SPAG16: variants seen among roughly 807,000 people sequenced by gnomAD.
SPAG16 encodes the protein sperm associated antigen 16.
SPAG16 carries 86 observed loss-of-function variants against 80.4 expected under a neutral mutation model. That is an observed-to-expected ratio of 1.07 (90% confidence interval 0.90 to 1.28). The LOEUF is 1.28. Ranked by LOEUF, SPAG16 falls within the 50% of genes most tolerant of loss-of-function variation. SPAG16 has a pLI of 0.00. For missense variants in SPAG16, 870 were observed against 765.3 expected, an observed-to-expected ratio of 1.14 and a Z score of -1.61; for synonymous variants, 294 against 265.9, an observed-to-expected ratio of 1.11 and a Z score of -1.03.
At chr2:213,641,396 C>G (rs1008231945) in intron 10 of SPAG16, among the ~76,000 whole-genome samples, 1 of 152,250 alleles carries the variant, frequency 6.6e-6, no homozygotes, top group African/African-American at 2.4e-5. Context: ...TTGCCCTTCC[C>G]TGTCTGCCAC....
At chr2:213,539,759 A>G (rs1018097575) in intron 10 of SPAG16, among the ~76,000 whole-genome samples, 3 of 152,204 alleles carry the variant, frequency 2.0e-5, no homozygotes, top group African/African-American at 7.2e-5. Context: ...AAATAATAAT[A>G]CAAGTACATA....
intron 10 of SPAG16, among the ~76,000 whole-genome samples, chr2:213,791,076 T>G (rs1165501262): frequency 1.3e-5 from 2 of 152,070 alleles, no homozygotes; most frequent in Non-Finnish European, 2.9e-5. Flanking sequence ...TGTGGTTAAT[T>G]TAGCAATGAG....
chr2:213,848,974 A>G (rs1329617762), intron 10 of SPAG16, among the ~76,000 whole-genome samples: 2 of 152,198 alleles, frequency 1.3e-5, no homozygotes, highest in East Asian at 1.9e-4. Context: ...TAATTTCAAT[A>G]TGTGCCTCAA....
At chr2:213,973,420 C>G (rs1163515345) in intron 12 of SPAG16, among the ~76,000 whole-genome samples, 1 of 151,980 alleles carries the variant, frequency 6.6e-6, no homozygotes, top group Admixed American at 6.6e-5. Context: ...GAAACAAGAA[C>G]ATTATGTCAG....
chr2:213,592,671 A>G (rs909810677), intron 10 of SPAG16, among the ~76,000 whole-genome samples: 3 of 152,176 alleles, frequency 2.0e-5, no homozygotes, highest in African/African-American at 7.2e-5. Context: ...TCATTTGAAG[A>G]TAAGAGCTGT....
At chr2:213,386,100 A>G (rs2067415336) in intron 9 of SPAG16, among the ~76,000 whole-genome samples, 1 of 152,188 alleles carries the variant, frequency 6.6e-6, no homozygotes, top group South Asian at 2.1e-4. Context: ...TTCTAATAGT[A>G]TCTACATTTT....
At chr2:213,503,846 C>A (rs1352829617) in intron 10 of SPAG16, among the ~76,000 whole-genome samples, 1 of 152,178 alleles carries the variant, frequency 6.6e-6, no homozygotes, top group Non-Finnish European at 1.5e-5. Context: ...ACTTGAAAGC[C>A]AAACACAGAA....
intron 5 of SPAG16, among the ~76,000 whole-genome samples, chr2:213,320,261 T>G (rs2063560557): frequency 6.6e-6 from 1 of 152,016 alleles, no homozygotes; most frequent in South Asian, 2.1e-4. Flanking sequence ...ATTGTACATG[T>G]GATATTTTGA....
At chr2:214,151,386 A>G (rs2055965588) in intron 15 of SPAG16, among the ~76,000 whole-genome samples, 1 of 152,086 alleles carries the variant, frequency 6.6e-6, no homozygotes, top group Non-Finnish European at 1.5e-5. Context: ...AGCCAAACAA[A>G]ATTGAAATAA....
intron 15 of SPAG16, among the ~76,000 whole-genome samples, chr2:214,378,697 G>T (rs1350183183): frequency 1.3e-5 from 2 of 152,230 alleles, no homozygotes; most frequent in African/African-American, 4.8e-5. Flanking sequence ...GAAAAGGAGA[G>T]AGGGGGTATA....
chr2:213,952,871 C>T (rs1006696035), intron 12 of SPAG16, among the ~76,000 whole-genome samples: 2 of 152,090 alleles, frequency 1.3e-5, no homozygotes, highest in Admixed American at 6.6e-5. Context: ...GCTGTAGCTT[C>T]ATTCTCATTT....
intron 10 of SPAG16, among the ~76,000 whole-genome samples, chr2:213,600,487 A>G (rs899482470): frequency 6.6e-6 from 1 of 152,188 alleles, no homozygotes; most frequent in East Asian, 1.9e-4. Flanking sequence ...GAGCTCTTCT[A>G]TGTTCCTAGT....
intron 10 of SPAG16, among the ~76,000 whole-genome samples, chr2:213,588,215 T>C (rs575222473): frequency 1.7e-4 from 26 of 152,294 alleles, no homozygotes; most frequent in Admixed American, 7.8e-4. Context: ...CAAAGACACA[T>C]GCATAATTTG....
chr2:213,688,167 T>A (rs1168813001), intron 10 of SPAG16, among the ~76,000 whole-genome samples: 1 of 152,174 alleles, frequency 6.6e-6, no homozygotes, highest in African/African-American at 2.4e-5. Flanking sequence ...ATTGGTTGAG[T>A]TTGTCTAAAG....
chr2:213,767,382 T>C (rs979482913), intron 10 of SPAG16, among the ~76,000 whole-genome samples: 9 of 151,988 alleles, frequency 5.9e-5, no homozygotes, highest in African/African-American at 2.2e-4. Context: ...AGAAAGTAAA[T>C]TAAGGCTGGG....
intron 9 of SPAG16, among the ~76,000 whole-genome samples, chr2:213,428,987 G>A (rs1326974611): frequency 1.3e-5 from 2 of 151,910 alleles, no homozygotes; most frequent in African/African-American, 4.8e-5. Flanking sequence ...AGCTACTCAG[G>A]AGGCTAAGGC....
At chr2:213,872,468 T>C (rs780620561) in intron 11 of SPAG16, among the ~76,000 whole-genome samples, 4 of 152,182 alleles carry the variant, frequency 2.6e-5, no homozygotes, top group Non-Finnish European at 4.4e-5. Flanking sequence ...AGCTCATTTA[T>C]TAATTTAAAA....
chr2:213,658,539 C>G (rs2063304244), intron 10 of SPAG16, among the ~76,000 whole-genome samples: 1 of 152,154 alleles, frequency 6.6e-6, no homozygotes. Context: ...AAGCACTTTA[C>G]ATGCTGTCAC....
intron 10 of SPAG16, among the ~76,000 whole-genome samples, chr2:213,511,360 A>G (rs1452349954): frequency 6.6e-6 from 1 of 152,146 alleles, no homozygotes; most frequent in Admixed American, 6.5e-5. Flanking sequence ...TTTAAAATAA[A>G]ATACCATCGT....
Sources: gnomAD v4.1 joint callset for allele counts (sites outside exome capture counted in the v4.1 genomes callset) on GRCh38, gnomAD v4.1.1 for gene constraint, MANE v1.5 for transcripts, NCBI Gene and HGNC (gene_info 2026-07-23, HGNC 2026-07-21) for gene names.